Variants in LRCH1 observed in about 807,000 individuals in gnomAD.
The protein encoded by LRCH1 is leucine rich repeats and calponin homology domain containing 1, also known as leucine-rich repeat and calponin homology domain-containing protein 1.
Under a neutral mutation model 94.9 loss-of-function variants are expected in LRCH1, and 23 were observed. The observed-to-expected ratio is 0.24, with a 90% CI of 0.17 to 0.34. LRCH1 has a LOEUF of 0.34. Ranked by LOEUF, LRCH1 falls within the 10% of genes least tolerant of loss-of-function variation. The pLI, the probability that LRCH1 is intolerant of heterozygous loss-of-function variation, is 1.00. For synonymous variants in LRCH1, 364 were observed against 354.9 expected, an observed-to-expected ratio of 1.03 and a Z score of -0.29; for missense variants, 790 against 945.9, an observed-to-expected ratio of 0.84 and a Z score of 2.16.
At chr13:46,615,221 C>T (rs1258023309) in intron 1 of LRCH1, among the ~76,000 whole-genome samples, 1 of 152,162 alleles carries the variant, frequency 6.6e-6, no homozygotes, top group Non-Finnish European at 1.5e-5. Flanking sequence ...AGCATGGCAC[C>T]AGCATCTGCT....
intron 1 of LRCH1, among the ~76,000 whole-genome samples, chr13:46,618,450 CTTTAAT>C (rs1243680604): frequency 8.5e-5 from 13 of 152,156 alleles, no homozygotes; most frequent in Non-Finnish European, 2.9e-5. Context: ...AGTATAGCTA[CTTTAAT>C]TTTAAGTTAA....
intron 9 of LRCH1, among the ~76,000 whole-genome samples, chr13:46,697,942 C>T (rs1871280482): frequency 6.6e-6 from 1 of 152,120 alleles, no homozygotes; most frequent in Admixed American, 6.6e-5. Flanking sequence ...AAAAGAAATA[C>T]CCTTTGCTTC....
chr13:46,712,443 T>A lies in LRCH1; in HGVS notation c.1582-82T>A, dbSNP rs1872114462. 3 of 1,104,554 alleles carry A rather than the reference T, an allele frequency of 2.7e-6. No homozygotes were observed. In the Admixed American group the frequency reaches 5.8e-5, roughly 21 times the overall value. The allele number at this position is 1,104,554 out of a possible 1,614,324, so 68.4% of individuals were successfully genotyped here. A position where few individuals can be genotyped will look rare whatever the true frequency, so the allele number is the denominator to read the frequency against. On this transcript the variant is annotated intron_variant, in intron 14 of 19. Coordinates refer to ENST00000389797, the MANE Select transcript of LRCH1 (RefSeq NM_001164211.2). ...CAAAAAGGGAGTAGTTTTGTTACAATCCTTGAACATAGAAAACCATACATA... is the reference window on the plus strand; with the variant it reads ...CAAAAAGGGAGTAGTTTTGTTACAAACCTTGAACATAGAAAACCATACATA...
intron 18 of LRCH1, chr13:46,750,495 A>G (rs765577506): frequency 1.5e-5 from 20 of 1,296,182 alleles, no homozygotes; most frequent in South Asian, 5.1e-5. Flanking sequence ...TTACAATGAG[A>G]GTACAATCAT....
At chr13:46,704,998 A>T in intron 11 of LRCH1, 70 bp from the exon 12 acceptor site, 3 of 822,816 alleles carry the variant, frequency 3.6e-6, no homozygotes, top group Non-Finnish European at 5.8e-6. Context: ...TAAACTGAAT[A>T]AGACCAATAG....
At chr13:46,608,011 G>A (rs117683145) in intron 1 of LRCH1, among the ~76,000 whole-genome samples, 2,616 of 152,250 alleles carry the variant, frequency 0.017, 22 homozygotes, top group African/African-American at 0.026. Context: ...AGAGTTTACC[G>A]GTGATGAATC....
intron 19 of LRCH1, among the ~76,000 whole-genome samples, 165 bp downstream of exon 19, chr13:46,734,163 G>T (rs956358787): frequency 1.3e-5 from 2 of 151,970 alleles, no homozygotes; most frequent in Non-Finnish European, 2.9e-5. Flanking sequence ...TTGCTCTATT[G>T]CAGTGAAAGT....
intron 1 of LRCH1, among the ~76,000 whole-genome samples, chr13:46,610,798 G>A (rs924950049): frequency 1.3e-5 from 2 of 152,110 alleles, no homozygotes; most frequent in African/African-American, 2.4e-5. Context: ...ATAAACATGC[G>A]ATAACACAGT....
chr13:46,741,570 C>T (rs1873654337), intron 19 of LRCH1, 72 bp from the exon 20 acceptor site: 2 of 1,591,642 alleles, frequency 1.3e-6, no homozygotes, highest in Middle Eastern at 1.7e-4. Flanking sequence ...GTGCTTCTTT[C>T]TAGCTGTTCC....
chr13:46,706,172 A>T (rs139644419), intron 13 of LRCH1, among the ~76,000 whole-genome samples: 4 of 152,360 alleles, frequency 2.6e-5, no homozygotes, highest in Middle Eastern at 3.4e-3. Flanking sequence ...TTTCATTGTT[A>T]AGCGCAGCGA....
At chr13:46,673,635 T>G (rs2138126621) in intron 3 of LRCH1, among the ~76,000 whole-genome samples, 1 of 152,324 alleles carries the variant, frequency 6.6e-6, no homozygotes, top group Admixed American at 6.5e-5. Flanking sequence ...TTGAAGCCCT[T>G]TAGCGCCGAG....
At chr13:46,684,488 G>T (rs886562691) in intron 4 of LRCH1, among the ~76,000 whole-genome samples, 1 of 152,074 alleles carries the variant, frequency 6.6e-6, no homozygotes, top group Admixed American at 6.5e-5. Flanking sequence ...TTCATTTTAA[G>T]TGGCAAAGAA....
chr13:46,605,752 T>G (rs182497687), intron 1 of LRCH1, among the ~76,000 whole-genome samples: 1 of 152,336 alleles, frequency 6.6e-6, no homozygotes, highest in African/African-American at 2.4e-5. Flanking sequence ...TTTTCTTTTC[T>G]CTTTCAGTTT....
At chr13:46,651,181 A>G (rs914685012) in intron 2 of LRCH1, among the ~76,000 whole-genome samples, 8 of 152,220 alleles carry the variant, frequency 5.3e-5, no homozygotes, top group African/African-American at 1.9e-4. Flanking sequence ...GCCTTTACTC[A>G]TGTCATTGCG....
At chr13:46,747,086 G>T (rs1873940391), downstream of LRCH1, among the ~76,000 whole-genome samples, 2 of 152,128 alleles carry the variant, frequency 1.3e-5, no homozygotes, top group Admixed American at 1.3e-4. Context: ...CTTCCTCAGG[G>T]GGTCTGAAAA....
At chr13:46,678,773 T>C (rs2051711440) in intron 3 of LRCH1, among the ~76,000 whole-genome samples, 1 of 152,142 alleles carries the variant, frequency 6.6e-6, no homozygotes, top group South Asian at 2.1e-4. Context: ...TGGAAAAAAA[T>C]CACCTTATGA....
chr13:46,653,617 G>A (rs2051334134), intron 2 of LRCH1, among the ~76,000 whole-genome samples: 1 of 152,074 alleles, frequency 6.6e-6, no homozygotes, highest in Admixed American at 6.5e-5. Context: ...TTGAGCCCAG[G>A]AGTTCGTGAC....
intron 1 of LRCH1, among the ~76,000 whole-genome samples, chr13:46,592,557 A>T (rs1402216422): frequency 1.3e-5 from 2 of 152,158 alleles, no homozygotes; most frequent in Non-Finnish European, 2.9e-5. Flanking sequence ...GATCTGGAAA[A>T]ACCTGTTTAA....
At chr13:46,699,636 G>A (rs115299909) in intron 10 of LRCH1, among the ~76,000 whole-genome samples, 2,342 of 152,240 alleles carry the variant, frequency 0.015, 45 homozygotes, top group African/African-American at 0.053. Flanking sequence ...TTGAGGTTGC[G>A]GGTAGTAATG....
Sources: gnomAD v4.1 joint callset for allele counts (sites outside exome capture counted in the v4.1 genomes callset) on GRCh38, gnomAD v4.1.1 for gene constraint, MANE v1.5 for transcripts, NCBI Gene and HGNC (gene_info 2026-07-23, HGNC 2026-07-21) for gene names.